The following RAD18 variants were observed in gnomAD, a reference collection of about 807,000 sequenced individuals.
RAD18 encodes the protein E3 ubiquitin-protein ligase RAD18.
A neutral mutation model predicts 60.4 loss-of-function variants in RAD18; 47 were observed. The ratio of observed to expected loss-of-function variants is 0.78; its 90% CI spans 0.62 to 0.99. The LOEUF (loss-of-function observed/expected upper bound fraction) is 0.99. Ranked by LOEUF, RAD18 falls within the 50% of genes least tolerant of loss-of-function variation. The pLI is 0.00. For missense variants in RAD18, 640 were observed against 593.3 expected (o/e 1.08, Z -0.82); for synonymous variants, 225 against 195.5 (o/e 1.15, Z -1.26).
intron 2 of RAD18, 106 bp from the exon 3 acceptor site, chr3:8,948,676 G>T (rs1940877628): frequency 2.2e-6 from 2 of 900,206 alleles, no homozygotes; most frequent in African/African-American, 1.7e-5. Context: ...GTCATCTAAG[G>T]TATATCATCA....
Position 8,880,558 on chromosome 3 carries a change from G to T in RAD18, c.*799C>A, listed in dbSNP as rs530531256. Reference sequence around the variant, plus strand: ...AGGATACTGTTTTAAGAACATTATTGTAAACTGATACTCTCTATTCATTTA... The same window carrying T: ...AGGATACTGTTTTAAGAACATTATTTTAAACTGATACTCTCTATTCATTTA... On this transcript the variant is annotated 3_prime_UTR_variant, in exon 13 of 13. Coordinates refer to ENST00000264926, the MANE Select transcript of RAD18 (RefSeq NM_020165.4). 1 of 152,262 alleles carries T rather than the reference G, an allele frequency of 6.6e-6. No homozygotes were observed. Among genetic ancestry groups the T allele is most frequent in the African/African-American group, 2.4e-5 (1 of 41,546 alleles). The allele number at this position is 152,262 out of a possible 1,614,324, so 9.4% of individuals were successfully genotyped here. A position where few individuals can be genotyped will look rare whatever the true frequency, so the allele number is the denominator to read the frequency against.
intron 1 of RAD18, among the ~76,000 whole-genome samples, chr3:8,962,462 A>C (rs777758598): frequency 2.3e-4 from 35 of 152,244 alleles, no homozygotes; most frequent in Non-Finnish European, 4.3e-4. Context: ...TTTAGCCTTC[A>C]CTTAATTCTA....
At chr3:8,921,216 A>C (rs540605213) in intron 7 of RAD18, among the ~76,000 whole-genome samples, 39 of 152,266 alleles carry the variant, frequency 2.6e-4, no homozygotes, top group Non-Finnish European at 4.0e-4. Context: ...CAAAGGGTAC[A>C]GTCTATGCAT....
In RAD18 at chr3:8,878,522, T is replaced by C. The variant is rs1939403045; in HGVS notation, c.*2835A>G. 1 of 152,204 alleles carries C rather than the reference T, an allele frequency of 6.6e-6. No homozygotes were observed. Among genetic ancestry groups the C allele is most frequent in the African/African-American group, 2.4e-5 (1 of 41,452 alleles). 9.4% of individuals were successfully genotyped at this position (152,204 alleles called of 1,614,324 possible). On this transcript the variant is annotated 3_prime_UTR_variant, in exon 13 of 13. Transcript: ENST00000264926. Reference sequence around the variant, plus strand: ...GCTAAGAAGTTTGAAATCCATTGTTTTTGGGTTTTTTTCCAGAAACAGTTC... The same window carrying C: ...GCTAAGAAGTTTGAAATCCATTGTTCTTGGGTTTTTTTCCAGAAACAGTTC...
At chr3:8,963,221 C>G in intron 1 of RAD18, 114 bp downstream of exon 1, 1 of 1,202,614 alleles carries the variant, frequency 8.3e-7, no homozygotes, top group East Asian at 2.9e-5. Context: ...ATACCCGGGC[C>G]CAGTGCGACG....
intron 7 of RAD18, among the ~76,000 whole-genome samples, chr3:8,934,863 T>C (rs1301188750): frequency 6.6e-6 from 1 of 152,100 alleles, no homozygotes; most frequent in East Asian, 1.9e-4. Context: ...GTTTATACAA[T>C]GGAATACCAT....
At chr3:8,922,745 A>G (rs1245437699) in intron 7 of RAD18, among the ~76,000 whole-genome samples, 1 of 152,172 alleles carries the variant, frequency 6.6e-6, no homozygotes, top group Non-Finnish European at 1.5e-5. Context: ...AGGCAGCAAC[A>G]TTTGCTGTTC....
At chr3:8,955,635 CAA>C (rs1276947079) in intron 2 of RAD18, among the ~76,000 whole-genome samples, 5 of 151,852 alleles carry the variant, frequency 3.3e-5, no homozygotes, top group African/African-American at 1.2e-4. Context: ...CAGCTGAAAA[CAA>C]AAAAAGAGGC....
chr3:8,963,140 C>T (rs1574831520), intron 1 of RAD18, among the ~76,000 whole-genome samples, 195 bp downstream of exon 1: 1 of 152,186 alleles, frequency 6.6e-6, no homozygotes, highest in South Asian at 2.1e-4. Flanking sequence ...CCAGGCTTGT[C>T]CTTGTCACTT....
chr3:8,922,583 T>C (rs1314213426), intron 7 of RAD18, among the ~76,000 whole-genome samples: 1 of 152,212 alleles, frequency 6.6e-6, no homozygotes, highest in African/African-American at 2.4e-5. Flanking sequence ...TCTTCCAGCA[T>C]GCAGCTTTAG....
chr3:8,938,692 T>C (rs1369042074), intron 6 of RAD18, among the ~76,000 whole-genome samples: 1 of 152,136 alleles, frequency 6.6e-6, no homozygotes, highest in African/African-American at 2.4e-5. Context: ...TCCCTGGAAA[T>C]AGTGGAAGGA....
rs1939457159 is a variant in RAD18, at chr3:8,881,263, T to C, written c.*94A>G. On this transcript the variant is annotated 3_prime_UTR_variant, in exon 13 of 13. Coordinates refer to ENST00000264926, the MANE Select transcript of RAD18 (RefSeq NM_020165.4). ...ACCGTAATATTTAGAATTTAGCATCTTTCCTTGGGCATTTATAAATAGAAA... is the reference window on the plus strand; with the variant it reads ...ACCGTAATATTTAGAATTTAGCATCCTTCCTTGGGCATTTATAAATAGAAA... 2 of 1,003,910 alleles carry C rather than the reference T, an allele frequency of 2.0e-6. No homozygotes were observed. The highest frequency in any genetic ancestry group is 1.6e-5 in the African/African-American group (1 of 60,760). 62.2% of individuals were successfully genotyped at this position (1,003,910 alleles called of 1,614,324 possible).
chr3:8,961,563 C>T (rs1325037938), intron 1 of RAD18, among the ~76,000 whole-genome samples: 1 of 152,176 alleles, frequency 6.6e-6, no homozygotes, highest in African/African-American at 2.4e-5. Context: ...GAAGTAACTT[C>T]AGTCAGATCT....
At chr3:8,953,558 G>C (rs1940960295) in intron 2 of RAD18, among the ~76,000 whole-genome samples, 1 of 152,128 alleles carries the variant, frequency 6.6e-6, no homozygotes, top group Admixed American at 6.6e-5. Context: ...CAGCTGAAGA[G>C]TTTTGAATTC....
At chr3:8,893,610 G>A (rs1482763292) in intron 11 of RAD18, among the ~76,000 whole-genome samples, 1 of 151,704 alleles carries the variant, frequency 6.6e-6, no homozygotes, top group East Asian at 1.9e-4. Context: ...ATTCAATTAT[G>A]ACAATGACGA....
At chr3:8,921,062 A>G (rs1406110513) in intron 7 of RAD18, among the ~76,000 whole-genome samples, 1 of 152,246 alleles carries the variant, frequency 6.6e-6, no homozygotes, top group Non-Finnish European at 1.5e-5. Context: ...TAAACACTAT[A>G]TAACTTATTT....
intron 7 of RAD18, among the ~76,000 whole-genome samples, chr3:8,923,289 C>A (rs143291306): frequency 6.6e-6 from 1 of 151,968 alleles, no homozygotes; most frequent in African/African-American, 2.4e-5. Context: ...GTAGCCGATT[C>A]GATCAATTGG....
chr3:8,910,436 T>C (rs1432347101), intron 9 of RAD18, among the ~76,000 whole-genome samples: 1 of 151,968 alleles, frequency 6.6e-6, no homozygotes, highest in African/African-American at 2.4e-5. Flanking sequence ...CCGTCTCTAC[T>C]AAAAATACAA....
intron 7 of RAD18, among the ~76,000 whole-genome samples, chr3:8,920,427 A>T (rs893318147): frequency 1.3e-5 from 2 of 152,230 alleles, no homozygotes; most frequent in African/African-American, 4.8e-5. Context: ...CACAGAAAAG[A>T]ATAGTTTAGA....
Sources: gnomAD v4.1 joint callset for allele counts (sites outside exome capture counted in the v4.1 genomes callset) on GRCh38, gnomAD v4.1.1 for gene constraint, MANE v1.5 for transcripts, NCBI Gene and HGNC (gene_info 2026-07-23, HGNC 2026-07-21) for gene names.